The following PITPNM2 variants were observed in gnomAD, a reference collection of about 807,000 sequenced individuals.
PITPNM2 encodes the protein membrane-associated phosphatidylinositol transfer protein 2.
In PITPNM2, 35 loss-of-function variants were observed where a neutral mutation model predicts 132.2. That is an observed-to-expected ratio of 0.26 (90% confidence interval 0.20 to 0.35). The LOEUF is 0.35. PITPNM2 is among the 10% of genes least tolerant of loss of function. The pLI, the probability that PITPNM2 is intolerant of heterozygous loss-of-function variation, is 1.00. For synonymous variants in PITPNM2, 738 were observed against 799.2 expected, an observed-to-expected ratio of 0.92 and a Z score of 1.29; for missense variants, 1,332 against 1,912.0, an observed-to-expected ratio of 0.70 and a Z score of 5.66.
chr12:123,005,823 C>T lies in PITPNM2; in HGVS notation c.644-275G>A, dbSNP rs1261853489. On this transcript the variant is annotated intron_variant, in intron 6 of 25. Coordinates refer to ENST00000320201, the MANE Select transcript of PITPNM2 (RefSeq NM_020845.3). The surrounding 1 kb of genome is among the most constrained non-coding windows in gnomAD (Gnocchi z 6.2). ...CGGTCAGAAGCCACAGTTGGAAGGG[C>T]GCAGTGGCTCATGCCTGTAATCCCA... The T allele has an allele frequency of 6.2e-6, 3 of 484,070 alleles. No individual in the cohort carries two copies. The highest frequency in any genetic ancestry group is 3.4e-5 in the East Asian group (1 of 29,150). The allele number at this position is 484,070 out of a possible 1,614,324, so 30.0% of individuals were successfully genotyped here. A position where few individuals can be genotyped will look rare whatever the true frequency, so the allele number is the denominator to read the frequency against.
At position 122,994,763 on chromosome 12, in the gene PITPNM2, T is replaced by G; in HGVS notation, c.2233+38A>C. The G allele has an allele frequency of 5.6e-5, 87 of 1,560,604 alleles. No individual in the cohort carries two copies. Among genetic ancestry groups the G allele is most frequent in the Non-Finnish European group, 6.6e-5 (76 of 1,146,626 alleles). On this transcript the variant is annotated intron_variant, in intron 15 of 25. Coordinates refer to ENST00000320201, the MANE Select transcript of PITPNM2 (RefSeq NM_020845.3). The surrounding 1 kb of genome is among the most constrained non-coding windows in gnomAD (Gnocchi z 5.4). ...CTGAGACCCCCGCCCCCGCACCCAG[T>G]GCATGTACCCCCCATCCTGCCCCTG...
intron 2 of PITPNM2, among the ~76,000 whole-genome samples, chr12:123,068,379 C>T (rs1376898839): frequency 1.3e-5 from 2 of 151,876 alleles, no homozygotes; most frequent in African/African-American, 2.4e-5. Context: ...ACCTGGGAGG[C>T]GGAGCTTGCA....
At chr12:123,013,229 AAGGG>A (rs2039285133) in intron 4 of PITPNM2, among the ~76,000 whole-genome samples, 1 of 152,204 alleles carries the variant, frequency 6.6e-6, no homozygotes, top group Non-Finnish European at 1.5e-5. Context: ...CAGCGTGGGG[AAGGG>A]AGCCCCAGGA....
rs139205213 is a variant in PITPNM2, at chr12:123,079,350, C to CT, written c.-96+31034dup. ...TTCACTTCTTTTTCTTTTTTCTTTT[C>CT]TTTTTTTTTTTTTTTTTTTTTTTTT... On this transcript the variant is annotated intron_variant, in intron 2 of 25. Coordinates refer to ENST00000320201, the MANE Select transcript of PITPNM2 (RefSeq NM_020845.3). 9.7e-3 allele frequency among the ~76,000 whole-genome samples: 524 copies of CT among 53,774 alleles called. 47 individuals carry two copies. Among genetic ancestry groups the CT allele is most frequent in the African/African-American group, 0.025 (410 of 16,132 alleles). The allele number at this position is 53,774 out of a possible 152,430, so 35.3% of individuals were successfully genotyped here.
At position 123,097,351 on chromosome 12, in the gene PITPNM2, C is replaced by T. The variant is rs573048926; in HGVS notation, c.-96+13034G>A. On this transcript the variant is annotated intron_variant, in intron 2 of 25. Transcript: ENST00000320201. The surrounding 1 kb of genome is among the most constrained non-coding windows in gnomAD (Gnocchi z 4.7). ...AGCCACCGCGCCCGGCCTGCCATCT[C>T]CCTTTTATTAGTGATTGCAAAGTGC... Among the ~76,000 whole-genome samples, 4 of 152,258 alleles carry T rather than the reference C, an allele frequency of 2.6e-5. No individual in the cohort carries two copies. Among genetic ancestry groups the T allele is most frequent in the African/African-American group, 7.2e-5 (3 of 41,560 alleles).
intron 1 of PITPNM2, among the ~76,000 whole-genome samples, chr12:123,121,021 GAATCTTCTC>G (rs2043022305): frequency 6.6e-6 from 1 of 152,232 alleles, no homozygotes; most frequent in Non-Finnish European, 1.5e-5. Flanking sequence ...TTAGAGAATA[GAATCTTCTC>G]AGAACACACA....
intron 2 of PITPNM2, among the ~76,000 whole-genome samples, chr12:123,109,359 GA>G (rs1361987086): frequency 1.3e-5 from 2 of 152,200 alleles, no homozygotes; most frequent in Non-Finnish European, 2.9e-5. Flanking sequence ...ATACGAAATG[GA>G]AAGAAGCTTG....
chr12:123,092,116 G>A (rs1242315561), intron 2 of PITPNM2: 1 of 152,202 alleles, frequency 6.6e-6, no homozygotes, highest in East Asian at 1.9e-4. Context: ...CTACACACTG[G>A]AGTGGGTACG....
At chr12:123,021,782 C>T in intron 3 of PITPNM2, 1 of 866,492 alleles carries the variant, frequency 1.2e-6, no homozygotes. Flanking sequence ...GGTACAAACC[C>T]TCCTCTTTTT....
chr12:123,126,882 G>A (rs2043149856), intron 1 of PITPNM2, among the ~76,000 whole-genome samples: 1 of 152,252 alleles, frequency 6.6e-6, no homozygotes, highest in African/African-American at 2.4e-5. Flanking sequence ...ATGAATGACA[G>A]CAGTGATGAA....
rs764142003 is a variant in PITPNM2 at position 123,009,934 on chromosome 12, T to A, written c.559A>T (p.Ile187Phe). 24 of 1,614,006 alleles carry A rather than the reference T, an allele frequency of 1.5e-5. No homozygotes were observed. The highest frequency in any genetic ancestry group is 2.0e-5 in the Non-Finnish European group (24 of 1,180,032). Residue 187 changes from isoleucine to phenylalanine, a missense_variant, in exon 6 of 26, where the codon ATC becomes TTC. By Grantham distance (21) the Ile-to-Phe change is conservative. This residue lies in a region of PITPNM2 where 122 missense variants were observed against 209.6 expected (regional missense o/e 0.58). Transcript: ENST00000320201. This position sits in a 1 kb window ranked among gnomAD's most constrained non-coding sequence, Gnocchi z 4.8. ...IEEYKKQVFP[I>F]MCAYKLCKVE... ...TTGCAGAGCTTGTATGCGCACATGA[T>A]GGGGAAGACCTGCTTCTTGTACTCC...
intron 2 of PITPNM2, among the ~76,000 whole-genome samples, chr12:123,051,066 A>G (rs1444633747): frequency 3.3e-5 from 5 of 152,210 alleles, no homozygotes; most frequent in Admixed American, 6.5e-5. Flanking sequence ...AAGTGCAGGG[A>G]AAGGACCTTG....
At chr12:123,076,731 TC>T (rs1196359186) in intron 2 of PITPNM2, among the ~76,000 whole-genome samples, 14 of 152,180 alleles carry the variant, frequency 9.2e-5, no homozygotes, top group Middle Eastern at 3.2e-3. Flanking sequence ...ACTCTGAAGC[TC>T]CCTGGTGAGT....
chr12:123,135,724 G>A lies in PITPNM2; in HGVS notation c.-200+15029C>T, dbSNP rs540494176. Among the ~76,000 whole-genome samples the A allele has an allele frequency of 7.3e-5, 11 of 150,538 alleles. 1 individual carries two copies. The highest frequency in any genetic ancestry group is 1.5e-4 in the Non-Finnish European group (10 of 67,448). ...TTTTGTTTGGTTTTTTAGAGACGGCGTCTCGCTACGCTGCCCAGGCTGGAG... is the reference window on the plus strand; with the variant it reads ...TTTTGTTTGGTTTTTTAGAGACGGCATCTCGCTACGCTGCCCAGGCTGGAG... On this transcript the variant is annotated intron_variant, in intron 1 of 25. Transcript: ENST00000320201.
At chr12:123,074,010 A>C (rs1347718740) in intron 2 of PITPNM2, among the ~76,000 whole-genome samples, 2 of 152,252 alleles carry the variant, frequency 1.3e-5, no homozygotes, top group African/African-American at 4.8e-5. Flanking sequence ...TATAGTCTTC[A>C]GGCCAAGAGC....
intron 2 of PITPNM2, among the ~76,000 whole-genome samples, chr12:123,085,221 G>A (rs1339095189): frequency 6.6e-6 from 1 of 152,228 alleles, no homozygotes; most frequent in African/African-American, 2.4e-5. Flanking sequence ...AAGTAGGTGT[G>A]AGCTAGCGCC....
chr12:122,991,946 T>C, intron 16 of PITPNM2: 1 of 1,301,084 alleles, frequency 7.7e-7, no homozygotes, highest in Non-Finnish European at 9.8e-7. Flanking sequence ...GACACTTGCA[T>C]GGGCCATCCA....
At chr12:123,017,620 C>T (rs1304038863) in intron 3 of PITPNM2, among the ~76,000 whole-genome samples, 1 of 152,150 alleles carries the variant, frequency 6.6e-6, no homozygotes, top group Non-Finnish European at 1.5e-5. Flanking sequence ...ACTCAAGTGT[C>T]CATCAACAGA....
At position 123,111,386 on chromosome 12, in the gene PITPNM2, T is replaced by G. The variant is rs192007218; in HGVS notation, c.-199-898A>C. Among the ~76,000 whole-genome samples, 4 of 152,228 alleles carry G rather than the reference T, an allele frequency of 2.6e-5. No individual in the cohort carries two copies. Among genetic ancestry groups the G allele is most frequent in the Admixed American group, 6.5e-5 (1 of 15,286 alleles). ...CTGATGCCCAATTCCAGGGCAACCC[T>G]GCTTTAGGAGCTGAGGACAGGCATG... is the stretch of plus-strand genomic sequence containing the variant. On this transcript the variant is annotated intron_variant, in intron 1 of 25. Transcript: ENST00000320201. The surrounding 1 kb of genome is among the most constrained non-coding windows in gnomAD (Gnocchi z 4.1).
Sources: gnomAD v4.1 joint callset for allele counts (sites outside exome capture counted in the v4.1 genomes callset) on GRCh38, gnomAD v4.1.1 for gene constraint, gnomAD v4.1.1 regional missense constraint, Gnocchi (gnomAD v3.1) non-coding constraint, MANE v1.5 for transcripts, NCBI Gene and HGNC (gene_info 2026-07-23, HGNC 2026-07-21) for gene names.